Variants in APBB3 observed in about 807,000 individuals in gnomAD.
The protein encoded by APBB3 is amyloid beta precursor protein binding family B member 3.
A neutral mutation model predicts 61.5 loss-of-function variants in APBB3; 50 were observed. The ratio of observed to expected loss-of-function variants is 0.81; its 90% CI spans 0.65 to 1.03. The LOEUF is 1.03. Ranked by LOEUF, APBB3 falls within the 50% of genes least tolerant of loss-of-function variation. The probability of loss-of-function intolerance (pLI) is 0.00; values close to 1 mark genes in which losing one functional copy is unlikely to be tolerated. For synonymous variants in APBB3, 235 were observed against 233.0 expected (o/e 1.01, Z -0.08); for missense variants, 550 against 637.4 (o/e 0.86, Z 1.48).
In APBB3 at chr5:140,560,968, C is replaced by T. The variant is rs1320889782; in HGVS notation, c.916+50G>A. On this transcript the variant is annotated intron_variant, in intron 10 of 12. Coordinates refer to ENST00000357560, the MANE Select transcript of APBB3 (RefSeq NM_133173.3). The surrounding 1 kb of genome is among the most constrained non-coding windows in gnomAD (Gnocchi z 5.1). ...TGATAACAGGCCTCACCTCACTCAC[C>T]TTCCCCTTGCCTCACACAGCCCACC... is the stretch of plus-strand genomic sequence containing the variant. The T allele has an allele frequency of 6.3e-7, 1 of 1,591,646 alleles. No individual in the cohort carries two copies. Among genetic ancestry groups the T allele is most frequent in the African/African-American group, 1.3e-5 (1 of 74,644 alleles).
chr5:140,560,993 C>A lies in APBB3; in HGVS notation c.916+25G>T. On this transcript the variant is annotated intron_variant, in intron 10 of 12. Coordinates refer to ENST00000357560, the MANE Select transcript of APBB3 (RefSeq NM_133173.3). The surrounding 1 kb of genome is among the most constrained non-coding windows in gnomAD (Gnocchi z 5.1). ...CTTCCCCTTGCCTCACACAGCCCAC[C>A]ACATGCAGCCCCCTCAGTCCTCACC... 1 of 1,608,394 alleles carries A rather than the reference C, an allele frequency of 6.2e-7. No homozygotes were observed. Among genetic ancestry groups the A allele is most frequent in the Non-Finnish European group, 8.5e-7 (1 of 1,178,888 alleles).
intron 9 of APBB3, 131 bp from the exon 10 acceptor site, chr5:140,561,232 A>G: frequency 6.9e-7 from 1 of 1,440,290 alleles, no homozygotes; most frequent in Non-Finnish European, 9.7e-7. Context: ...TCCTCCAACT[A>G]GTGGCTTGGG....
At chr5:140,563,355 A>G in intron 3 of APBB3, 1 of 590,168 alleles carries the variant, frequency 1.7e-6, no homozygotes, top group Non-Finnish European at 3.0e-6. Context: ...CAAGGTCTAG[A>G]ACATGATAGG....
In APBB3 at chr5:140,558,486, A is replaced by G; in HGVS notation, c.*99T>C. ...ACAAGGATCGGAGGGACAGGCAGAGAAGGCTTCAAGGAGTGACAGGCTATA... is the reference window on the plus strand; with the variant it reads ...ACAAGGATCGGAGGGACAGGCAGAGGAGGCTTCAAGGAGTGACAGGCTATA... On this transcript the variant is annotated 3_prime_UTR_variant, in exon 13 of 13. Coordinates refer to ENST00000357560, the MANE Select transcript of APBB3 (RefSeq NM_133173.3). The G allele has an allele frequency of 8.7e-6, 10 of 1,145,170 alleles. No individual in the cohort carries two copies. The highest frequency in any genetic ancestry group is 1.2e-5 in the Non-Finnish European group (9 of 756,466). 70.9% of individuals were successfully genotyped at this position (1,145,170 alleles called of 1,614,324 possible). A position where few individuals can be genotyped will look rare whatever the true frequency, so the allele number is the denominator to read the frequency against.
At chr5:140,561,284 A>G in intron 9 of APBB3, 81 bp downstream of exon 9, 1 of 1,543,692 alleles carries the variant, frequency 6.5e-7, no homozygotes, top group South Asian at 1.1e-5. Context: ...CCACAGAAGT[A>G]TTAAATAACC....
Position 140,560,288 on chromosome 5 carries a change from C to T in APBB3, c.1224+25G>A. ...GAGAGCAGCTGCAGGGCAATCCCACCAACCCATTCCCACCCATGACTCACC... is the reference window on the plus strand; with the variant it reads ...GAGAGCAGCTGCAGGGCAATCCCACTAACCCATTCCCACCCATGACTCACC... On this transcript the variant is annotated intron_variant, in intron 12 of 12. Transcript: ENST00000357560. The surrounding 1 kb of genome is among the most constrained non-coding windows in gnomAD (Gnocchi z 5.1). 6.2e-7 allele frequency: 1 copy of T among 1,603,630 alleles called. No homozygotes were observed. The highest frequency in any genetic ancestry group is 1.7e-5 in the Admixed American group (1 of 59,720).
rs137993403 is a variant in APBB3, at chr5:140,560,723, G to C, written c.948C>G (p.Thr316=). 5.1e-5 allele frequency: 83 copies of C among 1,614,008 alleles called. No homozygotes were observed. In the African/African-American group the frequency reaches 1.0e-3, roughly 20 times the overall value. Residue 316 remains threonine, a synonymous_variant, in exon 11 of 13, where the codon ACC becomes ACG. Transcript: ENST00000357560. This position sits in a 1 kb window ranked among gnomAD's most constrained non-coding sequence, Gnocchi z 5.1. Reference sequence around the variant, plus strand: ...CATTCCGGTCCCCCCTGGCGGTGAGGGTACCAATGGCCTCGTTCAGCACAT... The same window carrying C: ...CATTCCGGTCCCCCCTGGCGGTGAGCGTACCAATGGCCTCGTTCAGCACAT... ...GMDVLNEAIG[T]LTARGDRNAW... is the part of the protein sequence containing the mutation.
chr5:140,558,578 G>C lies in APBB3; in HGVS notation c.*7C>G. 6.2e-7 allele frequency: 1 copy of C among 1,613,728 alleles called. No individual in the cohort carries two copies. Among genetic ancestry groups the C allele is most frequent in the African/African-American group, 1.3e-5 (1 of 75,060 alleles). On this transcript the variant is annotated 3_prime_UTR_variant, in exon 13 of 13. Transcript: ENST00000357560. ...AGAGCCTACTTCCCCAGCCTTCCCA[G>C]ATAAGTTTAGGGCATATGGAGCAGA...
rs1755096362 is a variant in APBB3 at position 140,564,079 on chromosome 5, C to T, written c.49+118G>A. 7 of 1,488,458 alleles carry T rather than the reference C, an allele frequency of 4.7e-6. No individual in the cohort carries two copies. Among genetic ancestry groups the T allele is most frequent in the East Asian group, 2.4e-5 (1 of 42,520 alleles). The allele number at this position is 1,488,458 out of a possible 1,614,324, so 92.2% of individuals were successfully genotyped here. On this transcript the variant is annotated intron_variant, in intron 1 of 12. Coordinates refer to ENST00000357560, the MANE Select transcript of APBB3 (RefSeq NM_133173.3). The surrounding 1 kb of genome is among the most constrained non-coding windows in gnomAD (Gnocchi z 5.0). ...CACATGTAAAGACCGGGTTCATTCG[C>T]CCCCTGGTCCCTACACAGAGAGGTA...
chr5:140,558,506 G>T lies in APBB3; in HGVS notation c.*79C>A. ...CAGAGAAGGCTTCAAGGAGTGACAG[G>T]CTATAGGCCTTGAGGAATAAAACGG... On this transcript the variant is annotated 3_prime_UTR_variant, in exon 13 of 13. Coordinates refer to ENST00000357560, the MANE Select transcript of APBB3 (RefSeq NM_133173.3). The T allele has an allele frequency of 7.4e-7, 1 of 1,351,870 alleles. No homozygotes were observed. Among genetic ancestry groups the T allele is most frequent in the Non-Finnish European group, 1.1e-6 (1 of 941,338 alleles). 83.7% of individuals were successfully genotyped at this position (1,351,870 alleles called of 1,614,324 possible). A position where few individuals can be genotyped will look rare whatever the true frequency, so the allele number is the denominator to read the frequency against.
intron 3 of APBB3, 192 bp downstream of exon 3, chr5:140,563,402 C>G: frequency 1.5e-6 from 1 of 674,022 alleles, no homozygotes. Context: ...TAGCTACAAA[C>G]AAGAGCTTAG....
Position 140,560,015 on chromosome 5 carries a change from G to A in APBB3, c.1224+298C>T, listed in dbSNP as rs902835133. Among the ~76,000 whole-genome samples, 1 of 152,230 alleles carries A rather than the reference G, an allele frequency of 6.6e-6. No individual in the cohort carries two copies. The highest frequency in any genetic ancestry group is 6.5e-5 in the Admixed American group (1 of 15,278). ...AAACAGGAACAATGCCAACTCTTTA[G>A]GGCACAGCTTCTGCACAACTCTGGC... On this transcript the variant is annotated intron_variant, in intron 12 of 12. Transcript: ENST00000357560. The surrounding 1 kb of genome is among the most constrained non-coding windows in gnomAD (Gnocchi z 5.1).
chr5:140,560,382 G>A lies in APBB3; in HGVS notation c.1155C>T (p.Phe385=). 6.2e-7 allele frequency: 1 copy of A among 1,614,252 alleles called. No individual in the cohort carries two copies. Among genetic ancestry groups the A allele is most frequent in the South Asian group, 1.1e-5 (1 of 91,092 alleles). ...GLIADLGRQS[F]QCAAFWCQPH... ...GCTGGCACCAGAAGGCTGCGCACTG[G>A]AAGCTCTGACGGCCCAGGTCAGCGA... The change falls in exon 12 of 13, where the codon TTC becomes TTT. Residue 385 remains phenylalanine, a synonymous_variant. Coordinates refer to ENST00000357560, the MANE Select transcript of APBB3 (RefSeq NM_133173.3). This position sits in a 1 kb window ranked among gnomAD's most constrained non-coding sequence, Gnocchi z 5.1.
Position 140,562,904 on chromosome 5 carries a change from T to C in APBB3, c.291-181A>G, listed in dbSNP as rs147610213. On this transcript the variant is annotated intron_variant, in intron 3 of 12. Coordinates refer to ENST00000357560, the MANE Select transcript of APBB3 (RefSeq NM_133173.3). ...ACGTAACATAAAGTGTGACTCAGAA[T>C]TTGAGGGAAAATTCAGGACATAGGA... 5.2e-3 allele frequency: 3,178 copies of C among 616,064 alleles called. 14 individuals carry two copies. The highest frequency in any genetic ancestry group is 6.7e-3 in the Non-Finnish European group (2,382 of 353,282). The allele number at this position is 616,064 out of a possible 1,614,324, so 38.2% of individuals were successfully genotyped here.
chr5:140,564,082 C>A lies in APBB3; in HGVS notation c.49+115G>T, dbSNP rs1368393581. On this transcript the variant is annotated intron_variant, in intron 1 of 12. Transcript: ENST00000357560. The surrounding 1 kb of genome is among the most constrained non-coding windows in gnomAD (Gnocchi z 5.0). The stretch of plus-strand genomic sequence containing the variant: ...ATGTAAAGACCGGGTTCATTCGCCC[C>A]CTGGTCCCTACACAGAGAGGTATCC... 6.6e-7 allele frequency: 1 copy of A among 1,509,240 alleles called. No homozygotes were observed. The highest frequency in any genetic ancestry group is 9.1e-7 in the Non-Finnish European group (1 of 1,104,126). The allele number at this position is 1,509,240 out of a possible 1,614,324, so 93.5% of individuals were successfully genotyped here.
In APBB3 at chr5:140,558,336, T is replaced by G; in HGVS notation, c.*249A>C. On this transcript the variant is annotated 3_prime_UTR_variant, in exon 13 of 13. Coordinates refer to ENST00000357560, the MANE Select transcript of APBB3 (RefSeq NM_133173.3). ...AGTGTTACTGAGGTAGAGCCAACTG[T>G]CCAGGGTTGGACAGGGGCAAGGAAC... 9 of 601,146 alleles carry G rather than the reference T, an allele frequency of 1.5e-5. 1 individual carries two copies. The South Asian group carries it at 1.7e-4, about 11-fold the overall frequency. The allele number at this position is 601,146 out of a possible 1,614,324, so 37.2% of individuals were successfully genotyped here.
intron 2 of APBB3, 26 bp downstream of exon 2, chr5:140,563,726 A>C: frequency 1.9e-6 from 3 of 1,614,064 alleles, no homozygotes; most frequent in Non-Finnish European, 2.5e-6. Context: ...ACATGGGCTC[A>C]GACCTCCTCC....
Position 140,558,334 on chromosome 5 carries a change from T to C in APBB3, c.*251A>G. 3.4e-6 allele frequency: 2 copies of C among 585,894 alleles called. No individual in the cohort carries two copies. The highest frequency in any genetic ancestry group is 3.9e-5 in the South Asian group (2 of 50,924). The allele number at this position is 585,894 out of a possible 1,614,324, so 36.3% of individuals were successfully genotyped here. On this transcript the variant is annotated 3_prime_UTR_variant, in exon 13 of 13. Coordinates refer to ENST00000357560, the MANE Select transcript of APBB3 (RefSeq NM_133173.3). ...AAAGTGTTACTGAGGTAGAGCCAAC[T>C]GTCCAGGGTTGGACAGGGGCAAGGA...
At position 140,558,722 on chromosome 5, in the gene APBB3, C is replaced by A; in HGVS notation, c.1324G>T (p.Asp442Tyr). The change falls in exon 13 of 13, where the codon GAT becomes TAT. Residue 442 changes from aspartate (D) to tyrosine (Y), a missense_variant. Physicochemically the swap from Asp to Tyr is radical, Grantham distance 160. Transcript: ENST00000357560. ...AGGGGCAGGGGACCTCCTGGGGAAT[C>A]CATGGAGCTGGTCCGCTTGAGCCGC... ...RLRLKRTSSM[D>Y]SPGGPLPLPL... is the part of the protein sequence containing the mutation. 1.2e-6 allele frequency: 2 copies of A among 1,609,230 alleles called. No homozygotes were observed. The highest frequency in any genetic ancestry group is 8.5e-7 in the Non-Finnish European group (1 of 1,178,722).
Sources: allele counts gnomAD v4.1 joint callset (sites outside exome capture counted in the v4.1 genomes callset), GRCh38; gene constraint gnomAD v4.1.1; non-coding constraint Gnocchi (gnomAD v3.1); transcripts MANE v1.5; gene names NCBI Gene and HGNC (gene_info 2026-07-23, HGNC 2026-07-21).